Variants in KCNMA1 observed in about 807,000 individuals in gnomAD.
KCNMA1 encodes potassium calcium-activated channel subfamily M alpha 1.
In KCNMA1, 29 loss-of-function variants were observed where a neutral mutation model predicts 140.0. The ratio of observed to expected loss-of-function variants is 0.21; its 90% CI spans 0.15 to 0.28. KCNMA1 has a LOEUF of 0.28. Among genes scored for constraint, KCNMA1 ranks in the 10% least tolerant of loss-of-function variants. KCNMA1 has a pLI of 1.00. For synonymous variants in KCNMA1, 612 were observed against 611.9 expected (o/e 1.00, Z 0.00); for missense variants, 880 against 1,602.2 (o/e 0.55, Z 7.70).
intron 2 of KCNMA1, among the ~76,000 whole-genome samples, chr10:77,357,909 AAAGAT>A (rs2093634225): frequency 6.6e-6 from 1 of 152,214 alleles, no homozygotes; most frequent in African/African-American, 2.4e-5. Flanking sequence ...CTTAAAAATC[AAAGAT>A]GAGATGAAGT....
chr10:77,457,853 C>T (rs185265162), intron 1 of KCNMA1, among the ~76,000 whole-genome samples: 137 of 152,246 alleles, frequency 9.0e-4, no homozygotes, highest in African/African-American at 3.0e-3. Context: ...TGCCTCCATC[C>T]TGTCTGGTTC....
chr10:76,901,464 G>A (rs1347542151), intron 25 of KCNMA1: 1 of 152,152 alleles, frequency 6.6e-6, no homozygotes, highest in Non-Finnish European at 1.5e-5. Flanking sequence ...TAGAAGGTCA[G>A]GCTGGGAGGT....
chr10:77,359,445 G>A (rs757967158), intron 2 of KCNMA1, among the ~76,000 whole-genome samples: 5 of 152,164 alleles, frequency 3.3e-5, no homozygotes, highest in Non-Finnish European at 5.9e-5. Flanking sequence ...GGCCTGTGGG[G>A]TGACAAAAAC....
chr10:77,360,433 A>G (rs1165898663), intron 2 of KCNMA1, among the ~76,000 whole-genome samples: 2 of 152,174 alleles, frequency 1.3e-5, no homozygotes, highest in Non-Finnish European at 2.9e-5. Context: ...TTTCCAGGCT[A>G]TGGCCAAACT....
intron 1 of KCNMA1, among the ~76,000 whole-genome samples, chr10:77,593,599 T>C (rs2079892137): frequency 6.6e-6 from 1 of 152,194 alleles, no homozygotes; most frequent in East Asian, 1.9e-4. Flanking sequence ...TTATACACAT[T>C]ATCTTGTGTG....
intron 17 of KCNMA1, among the ~76,000 whole-genome samples, chr10:77,013,084 G>A (rs552692084): frequency 1.3e-5 from 2 of 152,126 alleles, no homozygotes; most frequent in African/African-American, 2.4e-5. Context: ...CTATGAACAT[G>A]GCCTTTTCTT....
chr10:77,486,624 A>C (rs1394579349), intron 1 of KCNMA1, among the ~76,000 whole-genome samples: 1 of 152,132 alleles, frequency 6.6e-6, no homozygotes, highest in Non-Finnish European at 1.5e-5. Flanking sequence ...AGCTATCCTG[A>C]ATATTTCTGT....
rs185219189 is a variant in KCNMA1 at position 77,552,240 on chromosome 10, T to C, written c.378+85025A>G. The stretch of plus-strand genomic sequence containing the variant: ...CCGTGGCTGCCTGACTGACTTATCC[T>C]CTACTTTGGGAAAAGGCAACTCAGT... On this transcript the variant is annotated intron_variant, in intron 1 of 27. Coordinates refer to ENST00000286628, the MANE Select transcript of KCNMA1 (RefSeq NM_001161352.2). 1.4e-3 allele frequency among the ~76,000 whole-genome samples: 207 copies of C among 152,290 alleles called. No homozygotes were observed. The South Asian group carries it at 0.017, about 12-fold the overall frequency.
chr10:77,492,097 T>C (rs780238780), intron 1 of KCNMA1, among the ~76,000 whole-genome samples: 2 of 152,214 alleles, frequency 1.3e-5, no homozygotes, highest in Non-Finnish European at 2.9e-5. Flanking sequence ...CCCTCTGGTC[T>C]GTGACAGCCA....
intron 23 of KCNMA1, among the ~76,000 whole-genome samples, chr10:76,923,169 C>A (rs2056494690): frequency 1.3e-5 from 2 of 152,180 alleles, no homozygotes; most frequent in Non-Finnish European, 2.9e-5. Flanking sequence ...AACAAAACTT[C>A]TCTATAGTTA....
intron 2 of KCNMA1, among the ~76,000 whole-genome samples, chr10:77,300,012 G>C (rs576377468): frequency 6.6e-6 from 1 of 152,220 alleles, no homozygotes; most frequent in Admixed American, 6.5e-5. Context: ...CCTGGGCTGG[G>C]CTCCATCAGC....
At chr10:76,966,559 G>A (rs775595073) in intron 20 of KCNMA1, among the ~76,000 whole-genome samples, 3 of 152,162 alleles carry the variant, frequency 2.0e-5, no homozygotes, top group Non-Finnish European at 4.4e-5. Context: ...GCTATTTAGA[G>A]ACAAACTTTG....
At chr10:77,083,080 C>T (rs1031494214) in intron 12 of KCNMA1, among the ~76,000 whole-genome samples, 2 of 152,108 alleles carry the variant, frequency 1.3e-5, no homozygotes, top group Non-Finnish European at 2.9e-5. Flanking sequence ...GTAAACCAAG[C>T]CACCGGTAGA....
intron 1 of KCNMA1, among the ~76,000 whole-genome samples, chr10:77,515,497 C>A (rs992480246): frequency 6.6e-6 from 1 of 152,132 alleles, no homozygotes; most frequent in Non-Finnish European, 1.5e-5. Flanking sequence ...GTTCAGAGGT[C>A]GCTATCTTTC....
intron 1 of KCNMA1, among the ~76,000 whole-genome samples, chr10:77,547,740 A>G (rs955250715): frequency 5.3e-5 from 8 of 152,182 alleles, no homozygotes; most frequent in African/African-American, 1.9e-4. Flanking sequence ...GGATTATCTG[A>G]CTCAAGCAGC....
intron 9 of KCNMA1, among the ~76,000 whole-genome samples, chr10:77,095,610 G>T (rs987623547): frequency 3.3e-5 from 5 of 152,214 alleles, no homozygotes; most frequent in Non-Finnish European, 7.4e-5. Flanking sequence ...ACTATTGAGG[G>T]TCACCATAAA....
chr10:77,356,800 G>C (rs574926435), intron 2 of KCNMA1, among the ~76,000 whole-genome samples: 1 of 152,206 alleles, frequency 6.6e-6, no homozygotes, highest in South Asian at 2.1e-4. Context: ...TCCATCTCCA[G>C]GAGTGATATC....
chr10:77,610,447 A>G (rs1405189050), intron 1 of KCNMA1, among the ~76,000 whole-genome samples: 1 of 152,236 alleles, frequency 6.6e-6, no homozygotes, highest in Non-Finnish European at 1.5e-5. Flanking sequence ...GGCTGCCCCA[A>G]AAGGTAAGCG....
At chr10:77,405,037 C>T (rs2096423971) in intron 1 of KCNMA1, among the ~76,000 whole-genome samples, 2 of 152,218 alleles carry the variant, frequency 1.3e-5, no homozygotes, top group South Asian at 4.1e-4. Context: ...ATACATTCCC[C>T]TTCTGGCTTA....
Sources: allele counts gnomAD v4.1 joint callset (sites outside exome capture counted in the v4.1 genomes callset), GRCh38; gene constraint gnomAD v4.1.1; transcripts MANE v1.5; gene names NCBI Gene and HGNC (gene_info 2026-07-23, HGNC 2026-07-21).